COG1: variants seen among roughly 807,000 people sequenced by gnomAD.
The protein encoded by COG1 is conserved oligomeric Golgi complex subunit 1.
Under a neutral mutation model 102.2 loss-of-function variants are expected in COG1, and 61 were observed. The observed-to-expected ratio is 0.60, with a 90% CI of 0.49 to 0.74. The LOEUF (loss-of-function observed/expected upper bound fraction) is 0.74, where lower values mean the gene tolerates loss of function less well. Ranked by LOEUF, COG1 falls within the 30% of genes least tolerant of loss-of-function variation. The pLI is 0.00. For missense variants in COG1, 1,164 were observed against 1,232.1 expected (o/e 0.94, Z 0.83); for synonymous variants, 454 against 493.6 (o/e 0.92, Z 1.06).
chr17:73,205,785 TG>T, intron 10 of COG1, 105 bp downstream of exon 10: 1 of 1,444,766 alleles, frequency 6.9e-7, no homozygotes. Context: ...GCACATTCAT[TG>T]TGTTTGTTTT....
chr17:73,193,220 A>T lies in COG1; in HGVS notation c.151A>T (p.Met51Leu). The T allele has an allele frequency of 6.2e-7, 1 of 1,608,998 alleles. No homozygotes were observed. Among genetic ancestry groups the T allele is most frequent in the East Asian group, 2.2e-5 (1 of 44,668 alleles). ...IEHKKEELRQ[M>L]VGERYRDLIE... ...GCACAAGAAGGAGGAGCTGCGGCAG[A>T]TGGTGGGCGAACGGTACCGCGACCT... The change falls in exon 1 of 14, where the codon ATG becomes TTG. Residue 51 changes from methionine (M) to leucine (L), a missense_variant. Physicochemically the swap from Met to Leu is conservative, Grantham distance 15. Transcript: ENST00000299886.
intron 11 of COG1, 144 bp downstream of exon 11, chr17:73,206,406 CTG>C: frequency 1.3e-6 from 1 of 763,372 alleles, no homozygotes; most frequent in Non-Finnish European, 2.3e-6. Context: ...GTTATAAGGA[CTG>C]AAAGAGGATT....
rs776994011 is a variant in COG1 at position 73,205,510 on chromosome 17, A to C, written c.2383-43A>C. ...AGCTGTTTATTACGCTCACATACCA[A>C]GTCCTCTCTCTTCATGGGTGGGGAC... On this transcript the variant is annotated intron_variant, in intron 9 of 13. Coordinates refer to ENST00000299886, the MANE Select transcript of COG1 (RefSeq NM_018714.3). 18 of 1,611,474 alleles carry C rather than the reference A, an allele frequency of 1.1e-5. No individual in the cohort carries two copies. In the East Asian group the frequency reaches 1.8e-4, roughly 16 times the overall value.
intron 4 of COG1, 148 bp from the exon 5 acceptor site, chr17:73,199,717 G>A (rs2061339253): frequency 1.2e-6 from 1 of 853,394 alleles, no homozygotes; most frequent in Non-Finnish European, 1.9e-6. Context: ...TGCAACTACA[G>A]GTGTGCACCA....
At chr17:73,193,909 T>C (rs1169526113) in intron 1 of COG1, among the ~76,000 whole-genome samples, 3 of 152,082 alleles carry the variant, frequency 2.0e-5, no homozygotes, top group Non-Finnish European at 4.4e-5. Flanking sequence ...CCCTTAACTT[T>C]ATGTATGTAT....
At chr17:73,200,197 C>T (rs1188669028) in intron 5 of COG1, among the ~76,000 whole-genome samples, 176 bp downstream of exon 5, 1 of 152,198 alleles carries the variant, frequency 6.6e-6, no homozygotes, top group Non-Finnish European at 1.5e-5. Context: ...ATTCAGCACC[C>T]GCTGTGGGAG....
In COG1 at chr17:73,200,611, C is replaced by T. The variant is rs369118260; in HGVS notation, c.1116C>T (p.Tyr372=). The change falls in exon 6 of 14, where the codon TAC becomes TAT. Residue 372 remains tyrosine (Y), a synonymous_variant. Transcript: ENST00000299886. ...ATGGGATCACCAACCTGCTCATGTACGTGAAGAGCATGAAGGGTCTCGCGG... is the reference window on the plus strand; with the variant it reads ...ATGGGATCACCAACCTGCTCATGTATGTGAAGAGCATGAAGGGTCTCGCGG... The part of the protein sequence containing the change: ...IKNGITNLLM[Y]VKSMKGLAGI... 12 of 1,613,990 alleles carry T rather than the reference C, an allele frequency of 7.4e-6. No individual in the cohort carries two copies. Among genetic ancestry groups the T allele is most frequent in the Middle Eastern group, 1.6e-4 (1 of 6,082 alleles).
chr17:73,206,420 GATAAAA>G (rs1157657026), intron 11 of COG1, among the ~76,000 whole-genome samples, 158 bp downstream of exon 11: 7 of 152,126 alleles, frequency 4.6e-5, no homozygotes, highest in Non-Finnish European at 8.8e-5. Context: ...AAGAGGATTA[GATAAAA>G]TCTCACACAC....
chr17:73,194,981 A>T (rs1448466828), intron 1 of COG1, among the ~76,000 whole-genome samples: 2 of 152,232 alleles, frequency 1.3e-5, no homozygotes, highest in African/African-American at 4.8e-5. Flanking sequence ...ATAAAACTAT[A>T]GGAAGTTGCA....
At chr17:73,208,166 C>T (rs898669897) in intron 13 of COG1, 148 bp from the exon 14 acceptor site, 16 of 1,532,598 alleles carry the variant, frequency 1.0e-5, no homozygotes, top group African/African-American at 2.7e-5. Context: ...AAATCTGGAC[C>T]GACAGCAAAG....
chr17:73,200,960 A>AAT (rs1167123759), intron 6 of COG1, 149 bp from the exon 7 acceptor site: 2 of 909,642 alleles, frequency 2.2e-6, no homozygotes, highest in African/African-American at 1.6e-5. Flanking sequence ...CATGTTCATC[A>AAT]ATAATGGCTT....
chr17:73,207,198 T>A lies in COG1; in HGVS notation c.2747T>A (p.Leu916Gln), dbSNP rs764510510. ...TTTTGGAGGTTTGGACTTCTCCCAC[T>A]GAGCATGACAAGCACTCGAAAGGCT... ...SSQIRFGLLP[L>Q]SMTSTRKAKS... The change falls in exon 13 of 14, where the codon CTG becomes CAG. Residue 916 changes from leucine (L) to glutamine (Q), a missense_variant. Transcript: ENST00000299886. The A allele has an allele frequency of 6.2e-7, 1 of 1,613,426 alleles. No homozygotes were observed. The highest frequency in any genetic ancestry group is 1.3e-5 in the African/African-American group (1 of 74,734).
chr17:73,208,074 G>C, intron 13 of COG1: 1 of 1,412,022 alleles, frequency 7.1e-7, no homozygotes, highest in South Asian at 1.5e-5. Context: ...AGAAGTGCCT[G>C]TGTCTACCCT....
chr17:73,202,176 A>G (rs2061349861), intron 7 of COG1, among the ~76,000 whole-genome samples: 1 of 151,986 alleles, frequency 6.6e-6, no homozygotes, highest in Non-Finnish European at 1.5e-5. Flanking sequence ...TCTCTACTAA[A>G]AAAATACAAA....
chr17:73,197,430 T>A, intron 4 of COG1, 34 bp downstream of exon 4: 1 of 1,610,094 alleles, frequency 6.2e-7, no homozygotes. Context: ...AAATTCTGGT[T>A]CACTCAACTG....
chr17:73,193,447 G>T (rs2061310931), intron 1 of COG1, 63 bp downstream of exon 1: 4 of 1,372,002 alleles, frequency 2.9e-6, no homozygotes, highest in Non-Finnish European at 3.7e-6. Flanking sequence ...GGCCTTGCAG[G>T]TCAACCCCGC....
In COG1 at chr17:73,205,656, G is replaced by C. The variant is rs1439505487; in HGVS notation, c.2486G>C (p.Ser829Thr). The C allele has an allele frequency of 1.1e-5, 17 of 1,613,810 alleles. No homozygotes were observed. The highest frequency in any genetic ancestry group is 1.4e-5 in the Non-Finnish European group (16 of 1,179,972). Residue 829 changes from serine (S) to threonine (T), a missense_variant, in exon 10 of 14, where the codon AGT becomes ACT. Ser to Thr is a moderately conservative substitution (Grantham distance 58). Transcript: ENST00000299886. ...VLTAKGDEVK[S>T]GRSKPDSRIE... ...ACAGCCAAGGGTGACGAGGTGAAGAGTGGCCGGAGCAAGCCAGACTCCAGG... is the reference window on the plus strand; with the variant it reads ...ACAGCCAAGGGTGACGAGGTGAAGACTGGCCGGAGCAAGCCAGACTCCAGG...
At chr17:73,193,405 C>A in intron 1 of COG1, 21 bp downstream of exon 1, 1 of 1,400,078 alleles carries the variant, frequency 7.1e-7, no homozygotes, top group Non-Finnish European at 9.2e-7. Context: ...GTGCCCCCAC[C>A]CTGCGACCCG....
At position 73,201,633 on chromosome 17, in the gene COG1, C is replaced by T. The variant is rs753506963; in HGVS notation, c.1806C>T (p.Ala602=). The part of the protein sequence containing the change: ...IEEGVQGQQD[A]LNSAKLHSVL... ...AGGGTGTGCAAGGGCAACAGGATGC[C>T]CTCAACAGTGCCAAGCTGCACTCAG... Residue 602 remains alanine (A), a synonymous_variant, in exon 7 of 14, where the codon GCC becomes GCT. Coordinates refer to ENST00000299886, the MANE Select transcript of COG1 (RefSeq NM_018714.3). 2 of 1,614,176 alleles carry T rather than the reference C, an allele frequency of 1.2e-6. No individual in the cohort carries two copies. The highest frequency in any genetic ancestry group is 2.2e-5 in the East Asian group (1 of 44,884).
Sources: allele counts gnomAD v4.1 joint callset (sites outside exome capture counted in the v4.1 genomes callset), GRCh38; gene constraint gnomAD v4.1.1; transcripts MANE v1.5; gene names NCBI Gene and HGNC (gene_info 2026-07-23, HGNC 2026-07-21).